KCNS3: variants seen among roughly 807,000 people sequenced by gnomAD.
KCNS3 encodes potassium voltage-gated channel modifier subfamily S member 3.
A neutral mutation model predicts 31.0 loss-of-function variants in KCNS3; 13 were observed. The ratio of observed to expected loss-of-function variants is 0.42; its 90% CI spans 0.27 to 0.67. The LOEUF (loss-of-function observed/expected upper bound fraction) is 0.67. Among genes scored for constraint, KCNS3 ranks in the 30% least tolerant of loss-of-function variants. KCNS3 has a pLI of 0.25. For synonymous variants in KCNS3, 238 were observed against 241.5 expected (o/e 0.99, Z 0.13); for missense variants, 545 against 622.4 (o/e 0.88, Z 1.32).
chr2:17,899,657 A>G (rs962261871), intron 1 of KCNS3, among the ~76,000 whole-genome samples: 1 of 152,206 alleles, frequency 6.6e-6, no homozygotes, highest in Non-Finnish European at 1.5e-5. Context: ...ATCTAGCATT[A>G]GGTAGCATAA....
At chr2:17,883,769 G>A (rs1011746459) in intron 1 of KCNS3, among the ~76,000 whole-genome samples, 1 of 152,098 alleles carries the variant, frequency 6.6e-6, no homozygotes, top group Non-Finnish European at 1.5e-5. Flanking sequence ...TATACCCAAA[G>A]GATTATAAAT....
intron 2 of KCNS3, among the ~76,000 whole-genome samples, chr2:17,922,230 T>C (rs1662734386): frequency 6.6e-6 from 1 of 151,872 alleles, no homozygotes; most frequent in East Asian, 1.9e-4. Context: ...GTTATGAAAT[T>C]CCCCATCAGC....
In KCNS3 at chr2:17,888,637, A is replaced by G. The variant is rs1407562262; in HGVS notation, c.-252+9831A>G. 5.3e-3 allele frequency among the ~76,000 whole-genome samples: 375 copies of G among 70,736 alleles called. 11 individuals are homozygous for G. The highest frequency in any genetic ancestry group is 0.013 in the South Asian group (31 of 2,448). 46.4% of individuals were successfully genotyped at this position (70,736 alleles called of 152,430 possible). ...AGTATAATAAAAAAAATGTATATAT[A>G]TATATATATATATATATATATATAT... On this transcript the variant is annotated intron_variant, in intron 1 of 2. Transcript: ENST00000304101.
intron 1 of KCNS3, among the ~76,000 whole-genome samples, chr2:17,911,655 C>T (rs747457778): frequency 3.9e-5 from 6 of 152,146 alleles, no homozygotes; most frequent in Non-Finnish European, 7.4e-5. Context: ...TCTAAAAAGA[C>T]ATATTTTACA....
intron 1 of KCNS3, among the ~76,000 whole-genome samples, chr2:17,880,023 T>C (rs945499264): frequency 6.6e-6 from 1 of 152,198 alleles, no homozygotes; most frequent in Non-Finnish European, 1.5e-5. Flanking sequence ...CAGAAGCCTT[T>C]CCTGTTTCTT....
intron 2 of KCNS3, among the ~76,000 whole-genome samples, chr2:17,918,247 T>C (rs1662634259): frequency 6.6e-6 from 1 of 152,226 alleles, no homozygotes. Context: ...GGTCAGAGTC[T>C]GGCTCAGGTC....
chr2:17,912,479 C>T (rs779993635), intron 1 of KCNS3, among the ~76,000 whole-genome samples: 1 of 152,236 alleles, frequency 6.6e-6, no homozygotes, highest in African/African-American at 2.4e-5. Flanking sequence ...ATGGACCACT[C>T]AGAGTGACCC....
chr2:17,878,583 C>G (rs1674560993), upstream of KCNS3: 5 of 148,076 alleles, frequency 3.4e-5, no homozygotes, highest in Admixed American at 3.3e-4. Flanking sequence ...GGCGGCCGAG[C>G]GGCGGGCCCC....
chr2:17,878,672 G>T lies in KCNS3; in HGVS notation c.-386G>T, dbSNP rs1264704777. On this transcript the variant is annotated 5_prime_UTR_variant, in exon 1 of 3. Transcript: ENST00000304101. Reference sequence around the variant, plus strand: ...GCGGGGCGGGACCGACGGACAGACCGGCCGACGCGGGCCACCCCGCTCTCC... The same window carrying T: ...GCGGGGCGGGACCGACGGACAGACCTGCCGACGCGGGCCACCCCGCTCTCC... 2.0e-5 allele frequency: 3 copies of T among 149,526 alleles called. No homozygotes were observed. The South Asian group carries it at 6.2e-4, about 31-fold the overall frequency. 9.3% of individuals were successfully genotyped at this position (149,526 alleles called of 1,614,324 possible). A position where few individuals can be genotyped will look rare whatever the true frequency, so the allele number is the denominator to read the frequency against.
intron 1 of KCNS3, among the ~76,000 whole-genome samples, chr2:17,884,950 T>C (rs1317230160): frequency 5.0e-4 from 70 of 139,772 alleles, no homozygotes; most frequent in African/African-American, 1.8e-3. Flanking sequence ...TTTTTTTTTT[T>C]CCTCACTGCC....
At chr2:17,894,828 AC>A (rs1319764048) in intron 1 of KCNS3, among the ~76,000 whole-genome samples, 5 of 151,880 alleles carry the variant, frequency 3.3e-5, no homozygotes, top group Non-Finnish European at 7.4e-5. Context: ...TCTTCCAAAG[AC>A]CTCCTTTGCT....
intron 2 of KCNS3, among the ~76,000 whole-genome samples, chr2:17,925,394 C>T (rs1662812695): frequency 6.6e-6 from 1 of 152,196 alleles, no homozygotes; most frequent in African/African-American, 2.4e-5. Flanking sequence ...TTCACAACTG[C>T]TTATCTTAAC....
At position 17,932,049 on chromosome 2, in the gene KCNS3, A is replaced by G. The variant is rs1663006773; in HGVS notation, c.1041A>G (p.Lys347=). ...CTGTGCTTATCTACTCCGTGGAGAAAGATGACCACACATCCAGCCTCACCA... is the reference window on the plus strand; with the variant it reads ...CTGTGCTTATCTACTCCGTGGAGAAGGATGACCACACATCCAGCCTCACCA... The part of the protein sequence containing the change: ...IFSVLIYSVE[K]DDHTSSLTSI... The change falls in exon 3 of 3, where the codon AAA becomes AAG. Residue 347 remains lysine (K), a synonymous_variant. Coordinates refer to ENST00000304101, the MANE Select transcript of KCNS3 (RefSeq NM_002252.5). The G allele has an allele frequency of 1.9e-6, 3 of 1,614,008 alleles. No individual in the cohort carries two copies. The highest frequency in any genetic ancestry group is 1.3e-5 in the African/African-American group (1 of 74,894).
intron 1 of KCNS3, among the ~76,000 whole-genome samples, chr2:17,905,922 CT>C (rs1430626161): frequency 6.6e-6 from 1 of 152,050 alleles, no homozygotes; most frequent in African/African-American, 2.4e-5. Flanking sequence ...CTAAAATTCT[CT>C]TTTTTTGTTG....
rs753375780 is a variant in KCNS3 at position 17,931,471 on chromosome 2, G to A, written c.463G>A (p.Glu155Lys). Residue 155 changes from glutamate (E) to lysine (K), a missense_variant, in exon 3 of 3, where the codon GAG becomes AAG. Physicochemically the swap from Glu to Lys is moderately conservative, Grantham distance 56. Coordinates refer to ENST00000304101, the MANE Select transcript of KCNS3 (RefSeq NM_002252.5). The surrounding 1 kb of genome is among the most constrained non-coding windows in gnomAD (Gnocchi z 5.4). ...SFEESSLFEK[E>K]LEKFDTLRFG... ...TGAAGAGTCGTCTCTGTTTGAGAAA[G>A]AGCTGGAGAAGTTTGACACACTGCG... The A allele has an allele frequency of 3.1e-6, 5 of 1,614,066 alleles. No homozygotes were observed. The highest frequency in any genetic ancestry group is 4.2e-6 in the Non-Finnish European group (5 of 1,180,034).
chr2:17,929,141 C>T (rs1175331493), intron 2 of KCNS3, among the ~76,000 whole-genome samples: 2 of 152,196 alleles, frequency 1.3e-5, no homozygotes, highest in Non-Finnish European at 1.5e-5. Context: ...ACAGGGTCCT[C>T]CACAATCTGG....
Position 17,932,175 on chromosome 2 carries a change from A to T in KCNS3, c.1167A>T (p.Thr389=), listed in dbSNP as rs1036787836. ...TGGCGGGAAAGCTCATCGCCAGCAC[A>T]TGCATCATCTGTGGCATCTTGGTGG... The part of the protein sequence containing the change: ...VTLAGKLIAS[T]CIICGILVVA... Residue 389 remains threonine, a synonymous_variant, in exon 3 of 3, where the codon ACA becomes ACT. Transcript: ENST00000304101. 1.9e-6 allele frequency: 3 copies of T among 1,613,744 alleles called. No homozygotes were observed. The highest frequency in any genetic ancestry group is 4.5e-5 in the East Asian group (2 of 44,862).
chr2:17,921,915 G>GCA lies in KCNS3; in HGVS notation c.-60+4044_-60+4045insCA, dbSNP rs1553345243. Among the ~76,000 whole-genome samples the GCA allele has an allele frequency of 1.4e-3, 46 of 32,810 alleles. 1 individual carries two copies. The highest frequency in any genetic ancestry group is 5.0e-3 in the African/African-American group (41 of 8,212). The allele number at this position is 32,810 out of a possible 152,430, so 21.5% of individuals were successfully genotyped here. A position where few individuals can be genotyped will look rare whatever the true frequency, so the allele number is the denominator to read the frequency against. ...TTTTCATATATATGTGTGTGTGTGT[G>GCA]TATATATATATATATATATATATAT... On this transcript the variant is annotated intron_variant, in intron 2 of 2. Transcript: ENST00000304101.
intron 1 of KCNS3, among the ~76,000 whole-genome samples, chr2:17,881,707 T>C (rs1674647348): frequency 6.6e-6 from 1 of 152,212 alleles, no homozygotes; most frequent in South Asian, 2.1e-4. Context: ...ACTGTGAGAT[T>C]CAGTTTTCCT....
Sources: allele counts gnomAD v4.1 joint callset (sites outside exome capture counted in the v4.1 genomes callset), GRCh38; gene constraint gnomAD v4.1.1; non-coding constraint Gnocchi (gnomAD v3.1); transcripts MANE v1.5; gene names NCBI Gene and HGNC (gene_info 2026-07-23, HGNC 2026-07-21).